SH3BP5: variants seen among roughly 807,000 people sequenced by gnomAD.
SH3BP5 encodes the protein SH3 domain binding protein 5, also known as SH3 domain-binding protein 5.
SH3BP5 carries 22 observed loss-of-function variants against 43.3 expected under a neutral mutation model. The ratio of observed to expected loss-of-function variants is 0.51; its 90% confidence interval spans 0.36 to 0.73. The LOEUF is 0.73. Ranked by LOEUF, SH3BP5 falls within the 30% of genes least tolerant of loss-of-function variation. The probability of loss-of-function intolerance (pLI) is 0.00; values close to 1 mark genes in which losing one functional copy is unlikely to be tolerated. For synonymous variants in SH3BP5, 255 were observed against 225.8 expected, an observed-to-expected ratio of 1.13 and a Z score of -1.16; for missense variants, 529 against 586.9, an observed-to-expected ratio of 0.90 and a Z score of 1.02.
exon 1 of SH3BP5, chr3:15,341,279 C>T (rs900965943): frequency 1.3e-5 from 2 of 152,546 alleles, no homozygotes; most frequent in Admixed American, 6.5e-5. Context: ...CTGCTGTCTG[C>T]ATCGCTATCT....
At chr3:15,259,698 AG>A (rs1487766973) in intron 6 of SH3BP5, 62 bp downstream of exon 6, 9 of 1,485,292 alleles carry the variant, frequency 6.1e-6, no homozygotes, top group Non-Finnish European at 8.5e-6. Flanking sequence ...CTGCTACCCC[AG>A]AAAAGTGAAG....
In SH3BP5 at chr3:15,257,115, T is replaced by C; in HGVS notation, c.890-2A>G. Reference sequence around the variant, plus strand: ...CATCTTCAAAGGCCTCCGAGGCCACTAAGTTGAGAGAGAACACCAGTCACA... The same window carrying C: ...CATCTTCAAAGGCCTCCGAGGCCACCAAGTTGAGAGAGAACACCAGTCACA... On this transcript the variant is annotated splice_acceptor_variant, in intron 7 of 8. Coordinates refer to ENST00000383791, the MANE Select transcript of SH3BP5 (RefSeq NM_004844.5). LOFTEE classifies it high-confidence loss of function. 6.2e-7 allele frequency: 1 copy of C among 1,613,044 alleles called. No homozygotes were observed. The highest frequency in any genetic ancestry group is 8.5e-7 in the Non-Finnish European group (1 of 1,179,222).
intron 5 of SH3BP5, chr3:15,260,071 ACT>A (rs1252113398): frequency 2.0e-6 from 1 of 507,794 alleles, no homozygotes; most frequent in Non-Finnish European, 3.6e-6. Flanking sequence ...TATCTTGGGG[ACT>A]CTGCAACTTA....
Position 15,296,339 on chromosome 3 carries a change from TATACAC to T in SH3BP5, c.330+7758_330+7763del, listed in dbSNP as rs1313893597. 8.0e-3 allele frequency among the ~76,000 whole-genome samples: 1,016 copies of T among 126,558 alleles called. 20 individuals carry two copies. Among genetic ancestry groups the T allele is most frequent in the African/African-American group, 0.042 (976 of 23,194 alleles). 83.0% of individuals were successfully genotyped at this position (126,558 alleles called of 152,430 possible). On this transcript the variant is annotated intron_variant, in intron 3 of 8. Transcript: ENST00000383791. ...CTCCATACCTCAAATGGGGAAATCA[TATACAC>T]ACACACACACACACACACACACACC...
rs74282156 is a variant in SH3BP5 at position 15,262,355 on chromosome 3, T to C, written c.496-66A>G. The C allele has an allele frequency of 1.4e-3, 2,185 of 1,541,752 alleles. 48 individuals carry two copies. The East Asian group carries it at 0.024, about 17-fold the overall frequency. On this transcript the variant is annotated intron_variant, in intron 4 of 8. Coordinates refer to ENST00000383791, the MANE Select transcript of SH3BP5 (RefSeq NM_004844.5). Reference sequence around the variant, plus strand: ...CAGCCCAGGCTTGGAATATTACTTATATTATTTTTCAAAAAATATTCTTTG... The same window carrying C: ...CAGCCCAGGCTTGGAATATTACTTACATTATTTTTCAAAAAATATTCTTTG...
At position 15,256,001 on chromosome 3, in the gene SH3BP5, G is replaced by T; in HGVS notation, c.*85C>A. ...GTTTAGAGTAGACGTGTAAGATTTG[G>T]CATATATTAAATGATTATTGGCACA... On this transcript the variant is annotated 3_prime_UTR_variant, in exon 9 of 9. Transcript: ENST00000383791. The T allele has an allele frequency of 9.2e-7, 1 of 1,085,976 alleles. No homozygotes were observed. The highest frequency in any genetic ancestry group is 1.4e-6 in the Non-Finnish European group (1 of 728,242). The allele number at this position is 1,085,976 out of a possible 1,614,324, so 67.3% of individuals were successfully genotyped here.
At chr3:15,300,502 G>A (rs957382005) in intron 3 of SH3BP5, among the ~76,000 whole-genome samples, 6 of 57,400 alleles carry the variant, frequency 1.0e-4, no homozygotes, top group South Asian at 1.5e-3. Context: ...AAAAGGAAGC[G>A]GGGGCGGGGG....
chr3:15,298,301 C>G (rs1416026142), intron 3 of SH3BP5, among the ~76,000 whole-genome samples: 1 of 152,186 alleles, frequency 6.6e-6, no homozygotes, highest in Non-Finnish European at 1.5e-5. Flanking sequence ...AAATGAGGCA[C>G]AGAGATTAGG....
At chr3:15,266,305 GCTC>G (rs1159657137) in intron 4 of SH3BP5, among the ~76,000 whole-genome samples, 1 of 152,256 alleles carries the variant, frequency 6.6e-6, no homozygotes, top group Non-Finnish European at 1.5e-5. Context: ...GTCGTGAGCA[GCTC>G]CTCACCTGCC....
At chr3:15,299,944 TAAGA>T (rs1332086086) in intron 3 of SH3BP5, among the ~76,000 whole-genome samples, 3 of 152,262 alleles carry the variant, frequency 2.0e-5, no homozygotes, top group African/African-American at 7.2e-5. Flanking sequence ...TTCACAAAGT[TAAGA>T]AAAAGTACAG....
At chr3:15,288,230 G>A (rs1031713702) in intron 3 of SH3BP5, among the ~76,000 whole-genome samples, 5 of 152,180 alleles carry the variant, frequency 3.3e-5, no homozygotes, top group African/African-American at 1.2e-4. Flanking sequence ...TTTACTCTAA[G>A]TCCACTGATT....
chr3:15,298,670 T>C (rs142875595), intron 3 of SH3BP5, among the ~76,000 whole-genome samples: 5 of 152,318 alleles, frequency 3.3e-5, no homozygotes, highest in African/African-American at 1.2e-4. Context: ...TTGAGGACAT[T>C]ATGCTAAGTG....
chr3:15,280,294 C>A (rs564851376), intron 3 of SH3BP5, among the ~76,000 whole-genome samples: 1 of 152,240 alleles, frequency 6.6e-6, no homozygotes, highest in South Asian at 2.1e-4. Context: ...CACCTTCATG[C>A]TCTAGCAGTG....
intron 2 of SH3BP5, among the ~76,000 whole-genome samples, chr3:15,306,819 C>T (rs953401931): frequency 1.3e-5 from 2 of 152,116 alleles, no homozygotes; most frequent in African/African-American, 4.8e-5. Context: ...CAGGTGTGCA[C>T]CACCACGCCA....
intron 3 of SH3BP5, among the ~76,000 whole-genome samples, chr3:15,300,389 G>C (rs1330058885): frequency 6.6e-6 from 1 of 152,130 alleles, no homozygotes; most frequent in African/African-American, 2.4e-5. Flanking sequence ...GGGACTCTGG[G>C]GACGCAGTGC....
intron 8 of SH3BP5, 193 bp downstream of exon 8, chr3:15,256,660 C>G (rs1696212927): frequency 3.1e-6 from 2 of 643,864 alleles, no homozygotes; most frequent in African/African-American, 3.7e-5. Context: ...TTTATAGAAG[C>G]TGAGTGGAGC....
intron 3 of SH3BP5, among the ~76,000 whole-genome samples, chr3:15,293,148 G>A (rs1239175779): frequency 6.6e-6 from 1 of 152,266 alleles, no homozygotes; most frequent in African/African-American, 2.4e-5. Flanking sequence ...AAGAGTCCAT[G>A]CTCAGTTCTT....
intron 4 of SH3BP5, among the ~76,000 whole-genome samples, chr3:15,263,598 T>C (rs1331684639): frequency 6.6e-6 from 1 of 152,146 alleles, no homozygotes; most frequent in Admixed American, 6.5e-5. Context: ...TGGGAACACT[T>C]TGTTAAGTCT....
intron 2 of SH3BP5, among the ~76,000 whole-genome samples, chr3:15,317,450 A>T (rs1406937946): frequency 6.6e-6 from 1 of 152,244 alleles, no homozygotes. Flanking sequence ...AGTCAAAGTC[A>T]ATGGCTGTAA....
Sources: allele counts gnomAD v4.1 joint callset (sites outside exome capture counted in the v4.1 genomes callset), GRCh38; gene constraint gnomAD v4.1.1; transcripts MANE v1.5; gene names NCBI Gene and HGNC (gene_info 2026-07-23, HGNC 2026-07-21).